Variants in BMPR1B observed in about 807,000 individuals in gnomAD.
BMPR1B encodes the protein bone morphogenetic protein receptor type-1B.
In BMPR1B, 12 loss-of-function variants were observed where a neutral mutation model predicts 59.1. The ratio of observed to expected loss-of-function variants is 0.20; its 90% CI spans 0.13 to 0.33. The LOEUF is 0.33. BMPR1B is among the 10% of genes least tolerant of loss of function. The probability of loss-of-function intolerance (pLI) is 1.00; values close to 1 mark genes in which losing one functional copy is unlikely to be tolerated. For synonymous variants in BMPR1B, 237 were observed against 207.3 expected (o/e 1.14, Z -1.23); for missense variants, 550 against 610.9 (o/e 0.90, Z 1.05).
rs1000238511 is a variant in BMPR1B, at chr4:94,793,107, G to A, written c.-183+35039G>A. 5.9e-5 allele frequency among the ~76,000 whole-genome samples: 9 copies of A among 151,900 alleles called. No individual in the cohort carries two copies. In the South Asian group the frequency reaches 6.3e-4, roughly 11 times the overall value. On this transcript the variant is annotated intron_variant, in intron 1 of 12. Coordinates refer to ENST00000515059, the MANE Select transcript of BMPR1B (RefSeq NM_001203.3). ...ATGTATACATGTGCCATGCTGGTGC[G>A]CTGCACCCACTATCTCGTCATTTAG...
rs529795027 is a variant in BMPR1B, at chr4:94,833,262, T to C, written c.-182-42569T>C. Among the ~76,000 whole-genome samples the C allele has an allele frequency of 7.6e-4, 115 of 151,558 alleles. 2 individuals carry two copies. In the South Asian group the frequency reaches 0.024, roughly 31 times the overall value. ...CATAGGGTTGTTAGTATTAAAAAGA[T>C]TAATTAATACAAAGTGCCTACCATA... On this transcript the variant is annotated intron_variant, in intron 1 of 12. Transcript: ENST00000515059.
At chr4:94,944,652 T>A (rs1729642085) in intron 2 of BMPR1B, among the ~76,000 whole-genome samples, 1 of 152,166 alleles carries the variant, frequency 6.6e-6, no homozygotes, top group South Asian at 2.1e-4. Context: ...GATGATGATG[T>A]TTATACTTTT....
At chr4:94,948,694 T>A (rs1179163710) in intron 2 of BMPR1B, among the ~76,000 whole-genome samples, 1 of 152,202 alleles carries the variant, frequency 6.6e-6, no homozygotes, top group Non-Finnish European at 1.5e-5. Context: ...GGGCTGAAAT[T>A]CCCTCATTTA....
chr4:95,060,617 C>T (rs973969313), intron 3 of BMPR1B, among the ~76,000 whole-genome samples: 1 of 152,154 alleles, frequency 6.6e-6, no homozygotes, highest in Non-Finnish European at 1.5e-5. Flanking sequence ...ATTTCTGTCT[C>T]CAAATAGTCA....
intron 3 of BMPR1B, among the ~76,000 whole-genome samples, chr4:95,033,100 A>G (rs1234114745): frequency 6.6e-6 from 1 of 152,116 alleles, no homozygotes; most frequent in African/African-American, 2.4e-5. Flanking sequence ...CAGTTCTTAT[A>G]TCTTCCTAAG....
chr4:94,962,829 A>G (rs1011246918), intron 2 of BMPR1B, among the ~76,000 whole-genome samples: 2 of 152,196 alleles, frequency 1.3e-5, no homozygotes, highest in African/African-American at 4.8e-5. Flanking sequence ...TATTTTGGAT[A>G]TATACCCAGC....
intron 2 of BMPR1B, among the ~76,000 whole-genome samples, chr4:94,876,448 A>G (rs1726735164): frequency 3.3e-5 from 5 of 152,114 alleles, no homozygotes; most frequent in Admixed American, 3.3e-4. Flanking sequence ...CTAAGCATTT[A>G]CTCCTATTAT....
chr4:94,782,354 G>A (rs533972463), intron 1 of BMPR1B, among the ~76,000 whole-genome samples: 1 of 151,072 alleles, frequency 6.6e-6, no homozygotes, highest in African/African-American at 2.4e-5. Context: ...CACCCAGGCT[G>A]GAGTGCAGTG....
At chr4:94,914,358 T>C (rs1382187190) in intron 2 of BMPR1B, among the ~76,000 whole-genome samples, 1 of 152,128 alleles carries the variant, frequency 6.6e-6, no homozygotes, top group African/African-American at 2.4e-5. Flanking sequence ...TTGGAATATA[T>C]AGGCCTTGAA....
intron 1 of BMPR1B, among the ~76,000 whole-genome samples, chr4:94,805,955 C>G (rs184754195): frequency 2.1e-4 from 32 of 152,188 alleles, no homozygotes; most frequent in African/African-American, 3.9e-4. Context: ...GAAGATTTTC[C>G]ATGCAACCTA....
chr4:94,959,799 G>A (rs1000706914), intron 2 of BMPR1B, among the ~76,000 whole-genome samples: 1 of 152,074 alleles, frequency 6.6e-6, no homozygotes, highest in African/African-American at 2.4e-5. Context: ...ATAAGATCTA[G>A]GGTAGAGAGT....
intron 1 of BMPR1B, among the ~76,000 whole-genome samples, chr4:94,793,789 T>C (rs1485499137): frequency 1.5e-4 from 23 of 150,010 alleles, no homozygotes; most frequent in African/African-American, 5.6e-4. Context: ...CATTTTTTCA[T>C]GTGTTTTTTG....
chr4:94,827,302 T>A (rs1724418352), intron 1 of BMPR1B, among the ~76,000 whole-genome samples: 1 of 152,178 alleles, frequency 6.6e-6, no homozygotes, highest in Admixed American at 6.5e-5. Flanking sequence ...CTTTAATAAA[T>A]AACCCTTTGA....
chr4:95,107,352 A>G (rs1731263779), intron 4 of BMPR1B, among the ~76,000 whole-genome samples: 1 of 152,030 alleles, frequency 6.6e-6, no homozygotes, highest in Non-Finnish European at 1.5e-5. Context: ...CAGTTTAGAG[A>G]TATTTAATGT....
chr4:95,011,267 G>C (rs997017710), intron 3 of BMPR1B, among the ~76,000 whole-genome samples: 1 of 151,950 alleles, frequency 6.6e-6, no homozygotes, highest in Admixed American at 6.6e-5. Context: ...AGACCCCACT[G>C]TCTGTTGTTT....
intron 2 of BMPR1B, among the ~76,000 whole-genome samples, chr4:94,883,617 ATATAT>A (rs1056041847): frequency 6.1e-4 from 93 of 151,808 alleles, no homozygotes; most frequent in African/African-American, 2.0e-3. Context: ...ATATTAAGGA[ATATAT>A]TATATATGTA....
intron 3 of BMPR1B, among the ~76,000 whole-genome samples, chr4:95,050,433 A>T (rs567529932): frequency 1.1e-3 from 175 of 152,270 alleles, no homozygotes; most frequent in African/African-American, 3.9e-3. Flanking sequence ...GTATAAATTG[A>T]GGGTGTTGAT....
intron 10 of BMPR1B, among the ~76,000 whole-genome samples, chr4:95,138,255 G>A (rs933371714): frequency 4.6e-5 from 7 of 152,120 alleles, no homozygotes; most frequent in Non-Finnish European, 1.0e-4. Flanking sequence ...TCTGGCTTGT[G>A]GAGTTTCTGC....
chr4:94,794,588 G>A (rs1723113627), intron 1 of BMPR1B, among the ~76,000 whole-genome samples: 1 of 141,970 alleles, frequency 7.0e-6, no homozygotes, highest in Admixed American at 6.8e-5. Flanking sequence ...GGATGGCATT[G>A]AATCTGTAAA....
Sources: allele counts gnomAD v4.1 joint callset (sites outside exome capture counted in the v4.1 genomes callset), GRCh38; gene constraint gnomAD v4.1.1; transcripts MANE v1.5; gene names NCBI Gene and HGNC (gene_info 2026-07-23, HGNC 2026-07-21).